The following RAP1GDS1 variants were observed in gnomAD, a reference collection of about 807,000 sequenced individuals.
The protein encoded by RAP1GDS1 is Rap1 GTPase-GDP dissociation stimulator 1.
RAP1GDS1 carries 35 observed loss-of-function variants against 71.1 expected under a neutral mutation model. That is an observed-to-expected ratio of 0.49 (90% CI 0.38 to 0.65). The LOEUF (loss-of-function observed/expected upper bound fraction) is 0.65. Among genes scored for constraint, RAP1GDS1 ranks in the 30% least tolerant of loss-of-function variants. The pLI is 0.00. For missense variants in RAP1GDS1, 663 were observed against 706.1 expected, an observed-to-expected ratio of 0.94 and a Z score of 0.69; for synonymous variants, 229 against 243.1, an observed-to-expected ratio of 0.94 and a Z score of 0.54.
intron 2 of RAP1GDS1, among the ~76,000 whole-genome samples, chr4:98,307,256 C>G (rs1236179176): frequency 6.6e-6 from 1 of 151,466 alleles, no homozygotes; most frequent in African/African-American, 2.4e-5. Context: ...TTTTTCTGTC[C>G]CATTAATCTG....
At chr4:98,357,207 G>A (rs1440723826) in intron 4 of RAP1GDS1, among the ~76,000 whole-genome samples, 1 of 151,758 alleles carries the variant, frequency 6.6e-6, no homozygotes. Flanking sequence ...ATACCAATTA[G>A]GTTATTTGAT....
At chr4:98,357,044 A>G (rs111898501) in intron 4 of RAP1GDS1, among the ~76,000 whole-genome samples, 62 of 152,084 alleles carry the variant, frequency 4.1e-4, no homozygotes, top group Non-Finnish European at 6.6e-4. Context: ...TAATTGTACA[A>G]TATTTTATCA....
intron 5 of RAP1GDS1, 21 bp from the exon 6 acceptor site, chr4:98,391,931 G>GTTTTTT: frequency 7.5e-7 from 1 of 1,341,020 alleles, no homozygotes; most frequent in Non-Finnish European, 1.0e-6. Flanking sequence ...TTCTGTTGTT[G>GTTTTTT]TTTTTTTTTT....
At chr4:98,335,433 CT>C (rs1364053918) in intron 2 of RAP1GDS1, among the ~76,000 whole-genome samples, 1 of 151,948 alleles carries the variant, frequency 6.6e-6, no homozygotes, top group Non-Finnish European at 1.5e-5. Context: ...AGAACACTCT[CT>C]TCATGACCTT....
intron 7 of RAP1GDS1, among the ~76,000 whole-genome samples, chr4:98,413,369 G>A (rs1442309279): frequency 4.3e-5 from 6 of 140,220 alleles, no homozygotes; most frequent in African/African-American, 7.9e-5. Flanking sequence ...ATCCCTCCCC[G>A]CTCCCCCCAC....
chr4:98,280,223 C>T (rs1316780433), intron 1 of RAP1GDS1, among the ~76,000 whole-genome samples: 1 of 152,196 alleles, frequency 6.6e-6, no homozygotes, highest in Admixed American at 6.5e-5. Flanking sequence ...ACAGTCCCAC[C>T]AACAGTGTAA....
chr4:98,261,723 G>C, intron 1 of RAP1GDS1, 154 bp downstream of exon 1: 1 of 1,048,894 alleles, frequency 9.5e-7, no homozygotes, highest in African/African-American at 1.7e-5. Context: ...CGGCGCACGC[G>C]GAACGCACGC....
At chr4:98,409,899 A>T (rs1746762977) in intron 7 of RAP1GDS1, 3 of 162,942 alleles carry the variant, frequency 1.8e-5, no homozygotes, top group African/African-American at 7.2e-5. Flanking sequence ...GAATATCATC[A>T]TGGCCTTGAA....
intron 2 of RAP1GDS1, among the ~76,000 whole-genome samples, chr4:98,331,737 A>C (rs185032018): frequency 7.2e-4 from 109 of 152,320 alleles, no homozygotes; most frequent in African/African-American, 2.5e-3. Context: ...GATGCTCTCT[A>C]GGAGCCCAGT....
At chr4:98,332,046 CAA>C (rs373055898) in intron 2 of RAP1GDS1, among the ~76,000 whole-genome samples, 22 of 152,280 alleles carry the variant, frequency 1.4e-4, no homozygotes, top group African/African-American at 4.6e-4. Flanking sequence ...TGATAAAATG[CAA>C]AGTCTTTGTT....
intron 2 of RAP1GDS1, among the ~76,000 whole-genome samples, chr4:98,315,274 GCT>G (rs780135382): frequency 6.6e-6 from 1 of 152,104 alleles, no homozygotes; most frequent in Admixed American, 6.6e-5. Flanking sequence ...TGGACAGTTA[GCT>G]CTCTGAGGAT....
intron 6 of RAP1GDS1, among the ~76,000 whole-genome samples, chr4:98,398,066 A>G (rs1163095243): frequency 2.0e-5 from 3 of 152,146 alleles, no homozygotes; most frequent in Non-Finnish European, 2.9e-5. Flanking sequence ...AACTTCATCA[A>G]TGGCAGACAG....
intron 4 of RAP1GDS1, among the ~76,000 whole-genome samples, chr4:98,364,766 C>A (rs1023986994): frequency 6.6e-6 from 1 of 151,594 alleles, no homozygotes; most frequent in Non-Finnish European, 1.5e-5. Flanking sequence ...GTGGCTCACA[C>A]CTGTAATCCC....
intron 12 of RAP1GDS1, among the ~76,000 whole-genome samples, chr4:98,429,433 A>G (rs1482125646): frequency 6.6e-6 from 1 of 152,156 alleles, no homozygotes; most frequent in Non-Finnish European, 1.5e-5. Context: ...ACTTATAAGT[A>G]GGAGCTAAGC....
intron 1 of RAP1GDS1, among the ~76,000 whole-genome samples, chr4:98,278,170 A>C (rs1355731942): frequency 6.6e-6 from 1 of 152,068 alleles, no homozygotes; most frequent in African/African-American, 2.4e-5. Context: ...CCGCATTCCA[A>C]CCTGGGCGAC....
intron 14 of RAP1GDS1, among the ~76,000 whole-genome samples, chr4:98,437,585 G>A (rs1751316661): frequency 6.6e-6 from 1 of 152,088 alleles, no homozygotes. Context: ...TTGAGGCCAG[G>A]AGTTCGAGAC....
intron 2 of RAP1GDS1, among the ~76,000 whole-genome samples, chr4:98,314,992 A>G (rs1219136322): frequency 2.0e-5 from 3 of 152,132 alleles, no homozygotes; most frequent in African/African-American, 7.2e-5. Flanking sequence ...AAAATTACTC[A>G]GTGGTAGAGA....
chr4:98,429,172 G>A (rs1455150569), intron 12 of RAP1GDS1, among the ~76,000 whole-genome samples: 1 of 151,914 alleles, frequency 6.6e-6, no homozygotes, highest in Non-Finnish European at 1.5e-5. Flanking sequence ...GCAGGAGGAT[G>A]GCGTGAACCC....
intron 2 of RAP1GDS1, among the ~76,000 whole-genome samples, chr4:98,327,320 A>C (rs965091582): frequency 4.6e-5 from 7 of 152,214 alleles, no homozygotes; most frequent in Admixed American, 3.3e-4. Context: ...GGTTTTTAAT[A>C]GAAAAAAATG....
Sources: gnomAD v4.1 joint callset for allele counts (sites outside exome capture counted in the v4.1 genomes callset) on GRCh38, gnomAD v4.1.1 for gene constraint, MANE v1.5 for transcripts, NCBI Gene and HGNC (gene_info 2026-07-23, HGNC 2026-07-21) for gene names.